The following LRRK2 variants were observed in gnomAD, a reference collection of about 807,000 sequenced individuals.
LRRK2 encodes leucine rich repeat kinase 2, also known as leucine-rich repeat serine/threonine-protein kinase 2.
A neutral mutation model predicts 302.6 loss-of-function variants in LRRK2; 203 were observed. The observed-to-expected ratio is 0.67, with a 90% CI of 0.60 to 0.75. The LOEUF (loss-of-function observed/expected upper bound fraction) is 0.75, where lower values mean the gene tolerates loss of function less well. Ranked by LOEUF, LRRK2 falls within the 30% of genes least tolerant of loss-of-function variation. The probability of loss-of-function intolerance (pLI) is 0.00; values close to 1 mark genes in which losing one functional copy is unlikely to be tolerated. For missense variants in LRRK2, 2,830 were observed against 2,951.0 expected, an observed-to-expected ratio of 0.96 and a Z score of 0.95; for synonymous variants, 1,066 against 1,031.9, an observed-to-expected ratio of 1.03 and a Z score of -0.63.
chr12:40,309,248 T>A lies in LRRK2; in HGVS notation c.4317+15T>A, dbSNP rs759792800. ...TCAATATAAAGGTGATTTGTTCTGA[T>A]CATTTGAAAATAGAAAATAATTCAT... On this transcript the variant is annotated intron_variant, in intron 30 of 50. Coordinates refer to ENST00000298910, the MANE Select transcript of LRRK2 (RefSeq NM_198578.4). 1.6e-5 allele frequency: 26 copies of A among 1,611,138 alleles called. No homozygotes were observed.
At chr12:40,265,977 C>T (rs1363323152) in intron 14 of LRRK2, among the ~76,000 whole-genome samples, 1 of 152,170 alleles carries the variant, frequency 6.6e-6, no homozygotes, top group African/African-American at 2.4e-5. Flanking sequence ...GGATCCCTTC[C>T]TTACACCTTA....
intron 39 of LRRK2, among the ~76,000 whole-genome samples, chr12:40,329,218 C>A (rs1334347425): frequency 1.3e-5 from 2 of 152,180 alleles, no homozygotes; most frequent in Non-Finnish European, 2.9e-5. Context: ...CTGTCCCTGT[C>A]CACTTCCTAA....
At chr12:40,285,403 A>G (rs1220721536) in intron 19 of LRRK2, among the ~76,000 whole-genome samples, 2 of 152,136 alleles carry the variant, frequency 1.3e-5, no homozygotes, top group African/African-American at 4.8e-5. Context: ...AGAATTAAGT[A>G]TTCAATATTG....
rs1191014358 is a variant in LRRK2, at chr12:40,320,078, A to G, written c.4918A>G (p.Lys1640Glu). Residue 1640 changes from lysine (K) to glutamate (E), a missense_variant, in exon 34 of 51, where the codon AAA becomes GAA. Around this residue, in one of 3 missense-constraint regions of LRRK2, gnomAD observed 2,121 missense variants for 2,148.0 expected, o/e 0.99. Coordinates refer to ENST00000298910, the MANE Select transcript of LRRK2 (RefSeq NM_198578.4). ...DVEKFLSKKR[K>E]FPKNYMSQYF... ...GGAAAAATTTCTTTCAAAAAAAAGG[A>G]AATTTCCAAAGAACTACATGTCACA... 1 of 1,611,554 alleles carries G rather than the reference A, an allele frequency of 6.2e-7. No individual in the cohort carries two copies. Among genetic ancestry groups the G allele is most frequent in the Non-Finnish European group, 8.5e-7 (1 of 1,178,796 alleles).
intron 46 of LRRK2, among the ~76,000 whole-genome samples, 200 bp downstream of exon 46, chr12:40,356,387 GAACT>G (rs374556958): frequency 6.6e-6 from 1 of 152,072 alleles, no homozygotes; most frequent in African/African-American, 2.4e-5. Flanking sequence ...TTATATGAAT[GAACT>G]AAGAATAAAA....
intron 33 of LRRK2, among the ~76,000 whole-genome samples, chr12:40,318,885 G>A (rs1945311124): frequency 1.3e-5 from 2 of 151,912 alleles, no homozygotes; most frequent in Admixed American, 1.3e-4. Context: ...TTATTTATAG[G>A]CCCATTGCAC....
At chr12:40,264,450 C>G (rs1285289820) in intron 14 of LRRK2, among the ~76,000 whole-genome samples, 1 of 152,110 alleles carries the variant, frequency 6.6e-6, no homozygotes, top group African/African-American at 2.4e-5. Flanking sequence ...GAAACCCTGT[C>G]TCTACTAAAA....
At chr12:40,367,328 T>C (rs1450545282) in intron 50 of LRRK2, 3 of 457,222 alleles carry the variant, frequency 6.6e-6, no homozygotes, top group African/African-American at 4.0e-5. Context: ...AATGTGAATA[T>C]TTTTTACAAC....
chr12:40,267,173 T>C (rs1399479191), intron 14 of LRRK2, among the ~76,000 whole-genome samples: 2 of 152,182 alleles, frequency 1.3e-5, no homozygotes, highest in Non-Finnish European at 2.9e-5. Flanking sequence ...GGCAATTCCC[T>C]ACTGGAGATA....
At chr12:40,345,713 CT>C (rs1021065521) in intron 41 of LRRK2, among the ~76,000 whole-genome samples, 3 of 147,756 alleles carry the variant, frequency 2.0e-5, no homozygotes, top group Admixed American at 6.7e-5. Flanking sequence ...TGATTATTTA[CT>C]TTTTGCCCTA....
chr12:40,284,543 T>C (rs1453152680), intron 19 of LRRK2, among the ~76,000 whole-genome samples: 1 of 152,136 alleles, frequency 6.6e-6, no homozygotes, highest in Non-Finnish European at 1.5e-5. Context: ...TGCATTCAAA[T>C]GTATGTAAAA....
At position 40,308,447 on chromosome 12, in the gene LRRK2, T is replaced by C; in HGVS notation, c.3960-20T>C. 1 of 1,589,884 alleles carries C rather than the reference T, an allele frequency of 6.3e-7. No individual in the cohort carries two copies. The highest frequency in any genetic ancestry group is 8.6e-7 in the Non-Finnish European group (1 of 1,160,056). ...ACTTTTAAGCAGTTTATTATTTTAT[T>C]TTTATCTTTCAAATACTAGGTTTCT... On this transcript the variant is annotated intron_variant, in intron 28 of 50. Transcript: ENST00000298910.
intron 40 of LRRK2, among the ~76,000 whole-genome samples, chr12:40,338,771 G>T (rs1300323201): frequency 6.6e-6 from 1 of 152,150 alleles, no homozygotes; most frequent in Non-Finnish European, 1.5e-5. Flanking sequence ...TATACTTAAA[G>T]AGGCATGTCT....
chr12:40,238,431 C>G (rs1367315148), intron 5 of LRRK2, among the ~76,000 whole-genome samples: 1 of 152,158 alleles, frequency 6.6e-6, no homozygotes, highest in African/African-American at 2.4e-5. Flanking sequence ...ATAGGTTACA[C>G]TGGGATTATG....
chr12:40,304,258 T>C, intron 27 of LRRK2, 124 bp downstream of exon 27: 1 of 863,474 alleles, frequency 1.2e-6, no homozygotes, highest in Non-Finnish European at 1.8e-6. Flanking sequence ...CTGTTAACTA[T>C]AAATTCCTGT....
At chr12:40,320,662 A>T (rs1945375249) in intron 34 of LRRK2, among the ~76,000 whole-genome samples, 4 of 152,118 alleles carry the variant, frequency 2.6e-5, no homozygotes, top group Admixed American at 2.6e-4. Context: ...TGATGTTGAA[A>T]TGTGCAAATT....
chr12:40,339,033 C>T (rs147031416), intron 40 of LRRK2, among the ~76,000 whole-genome samples: 1 of 152,286 alleles, frequency 6.6e-6, no homozygotes. Context: ...CGACTACATC[C>T]TGGAAGAGAG....
chr12:40,366,863 A>G (rs1012975324), intron 49 of LRRK2, 143 bp from the exon 50 acceptor site: 2 of 616,506 alleles, frequency 3.2e-6, no homozygotes, highest in African/African-American at 1.9e-5. Context: ...TATTCAATAT[A>G]ATTGAAGGGT....
Position 40,277,916 on chromosome 12 carries a change from A to T in LRRK2, c.1970A>T (p.Lys657Ile), listed in dbSNP as rs1262633496. 9.9e-6 allele frequency: 16 copies of T among 1,611,116 alleles called. No individual in the cohort carries two copies. Among genetic ancestry groups the T allele is most frequent in the Non-Finnish European group, 1.4e-5 (16 of 1,179,484 alleles). The change falls in exon 17 of 51, where the codon AAA becomes ATA. Residue 657 changes from lysine (K) to isoleucine (I), a missense_variant. Physicochemically the swap from Lys to Ile is moderately radical, Grantham distance 102. Around this residue, in one of 3 missense-constraint regions of LRRK2, gnomAD observed 2,121 missense variants for 2,148.0 expected, o/e 0.99. Transcript: ENST00000298910. The part of the protein sequence containing the change: ...KGFQTILAIL[K>I]LSASFSKLLV... ...TTTCAGACAATCTTAGCAATCCTCA[A>T]ATTGTCAGCATCTTTTTCTAAGCTG...
Sources: gnomAD v4.1 joint callset for allele counts (sites outside exome capture counted in the v4.1 genomes callset) on GRCh38, gnomAD v4.1.1 for gene constraint, gnomAD v4.1.1 regional missense constraint, MANE v1.5 for transcripts, NCBI Gene and HGNC (gene_info 2026-07-23, HGNC 2026-07-21) for gene names.